GALNTL6: variants seen among roughly 807,000 people sequenced by gnomAD.
GALNTL6 encodes the protein polypeptide N-acetylgalactosaminyltransferase-like 6.
In GALNTL6, 46 loss-of-function variants were observed where a neutral mutation model predicts 73.7. The ratio of observed to expected loss-of-function variants is 0.62; its 90% CI spans 0.49 to 0.80. The LOEUF (loss-of-function observed/expected upper bound fraction) is 0.80, where lower values mean the gene tolerates loss of function less well. Ranked by LOEUF, GALNTL6 falls within the 30% of genes least tolerant of loss-of-function variation. The pLI is 0.00. For synonymous variants in GALNTL6, 259 were observed against 263.7 expected, an observed-to-expected ratio of 0.98 and a Z score of 0.17; for missense variants, 604 against 755.0, an observed-to-expected ratio of 0.80 and a Z score of 2.34.
intron 5 of GALNTL6, among the ~76,000 whole-genome samples, chr4:172,607,333 C>T (rs1215530869): frequency 6.6e-6 from 1 of 152,052 alleles, no homozygotes; most frequent in African/African-American, 2.4e-5. Flanking sequence ...TCTATTTTTC[C>T]GTTCTTTGTG....
chr4:173,028,404 T>C (rs1237855943), intron 12 of GALNTL6, among the ~76,000 whole-genome samples: 1 of 152,162 alleles, frequency 6.6e-6, no homozygotes, highest in Non-Finnish European at 1.5e-5. Context: ...AGAATCACTT[T>C]TGTAGCTCTA....
chr4:172,012,849 G>A (rs1198003507), intron 2 of GALNTL6, among the ~76,000 whole-genome samples: 1 of 151,918 alleles, frequency 6.6e-6, no homozygotes, highest in Non-Finnish European at 1.5e-5. Context: ...TGTACAATGC[G>A]ATAGTTTTGA....
At position 172,415,726 on chromosome 4, in the gene GALNTL6, T is replaced by G. The variant is rs941002565; in HGVS notation, c.553+67037T>G. 2.0e-5 allele frequency among the ~76,000 whole-genome samples: 3 copies of G among 152,158 alleles called. No individual in the cohort carries two copies. In the East Asian group the frequency reaches 5.8e-4, roughly 30 times the overall value. On this transcript the variant is annotated intron_variant, in intron 5 of 12. Transcript: ENST00000506823. ...CTGAGTGAGCAATTCCTGTCCCTTT[T>G]AAGGGCTTGCAACTCTAAGGGGGGT...
intron 2 of GALNTL6, among the ~76,000 whole-genome samples, chr4:172,087,432 T>G (rs2130998): frequency 0.97 from 139,275 of 144,030 alleles, 67,495 homozygotes; most frequent in East Asian, 1. Context: ...GCAACAGAGT[T>G]AGACTCCATC....
At chr4:171,959,836 G>A (rs1739169415) in intron 2 of GALNTL6, among the ~76,000 whole-genome samples, 1 of 152,132 alleles carries the variant, frequency 6.6e-6, no homozygotes, top group Admixed American at 6.5e-5. Context: ...GAAGCAAATA[G>A]AAATAATCTC....
chr4:171,825,426 T>C (rs559066609), intron 2 of GALNTL6, among the ~76,000 whole-genome samples: 6 of 152,242 alleles, frequency 3.9e-5, no homozygotes, highest in African/African-American at 9.6e-5. Context: ...AATTTTACCA[T>C]TTTTCAGATA....
Position 172,112,915 on chromosome 4 carries a change from G to A in GALNTL6, c.139-116741G>A, listed in dbSNP as rs72990367. Among the ~76,000 whole-genome samples, 1,379 of 151,946 alleles carry A rather than the reference G, an allele frequency of 9.1e-3. 26 individuals carry two copies. Among genetic ancestry groups the A allele is most frequent in the African/African-American group, 0.031 (1,266 of 41,486 alleles). ...CTCGCCAGACACCAAATTTTCTGAT[G>A]TCTTTGATCTTGGACTACCCAGCCT... On this transcript the variant is annotated intron_variant, in intron 2 of 12. Transcript: ENST00000506823.
chr4:171,875,784 TG>T (rs1348789160), intron 2 of GALNTL6, among the ~76,000 whole-genome samples: 1 of 150,064 alleles, frequency 6.7e-6, no homozygotes, highest in Non-Finnish European at 1.5e-5. Context: ...ATGAATATTT[TG>T]GGTGGTCTCT....
chr4:172,546,810 A>ATATATACGTATATATATATATACG (rs1735782610), intron 5 of GALNTL6, among the ~76,000 whole-genome samples: 7 of 44,624 alleles, frequency 1.6e-4, no homozygotes, highest in Admixed American at 2.5e-4. Flanking sequence ...ATATATACGT[A>ATATATACGTATATATATATATACG]TATATATACG....
chr4:172,295,194 G>T (rs1374132577), intron 3 of GALNTL6, among the ~76,000 whole-genome samples: 1 of 152,060 alleles, frequency 6.6e-6, no homozygotes, highest in Admixed American at 6.6e-5. Context: ...GGCCGAGGTG[G>T]GTGGATCACC....
chr4:172,689,882 C>G (rs1019743594), intron 5 of GALNTL6, among the ~76,000 whole-genome samples: 5 of 151,928 alleles, frequency 3.3e-5, no homozygotes, highest in African/African-American at 1.2e-4. Context: ...GACAACATGT[C>G]TTTCAGCTAA....
At chr4:172,915,373 C>A (rs1318174369) in intron 8 of GALNTL6, among the ~76,000 whole-genome samples, 2 of 152,076 alleles carry the variant, frequency 1.3e-5, no homozygotes, top group Non-Finnish European at 2.9e-5. Flanking sequence ...CAAAAGCTAG[C>A]AGAAGGCAAG....
At chr4:172,009,604 T>A (rs957274174) in intron 2 of GALNTL6, among the ~76,000 whole-genome samples, 1 of 152,128 alleles carries the variant, frequency 6.6e-6, no homozygotes, top group Admixed American at 6.6e-5. Flanking sequence ...ACATAAATCA[T>A]CTTGAATTCC....
chr4:173,008,595 C>T (rs930725537), intron 10 of GALNTL6, among the ~76,000 whole-genome samples: 1 of 152,204 alleles, frequency 6.6e-6, no homozygotes, highest in Non-Finnish European at 1.5e-5. Flanking sequence ...AACCTCAAAT[C>T]TGTCTCCCCA....
intron 2 of GALNTL6, among the ~76,000 whole-genome samples, chr4:172,222,397 A>G (rs964040707): frequency 2.0e-5 from 3 of 151,978 alleles, no homozygotes; most frequent in Non-Finnish European, 4.4e-5. Flanking sequence ...TTGCAAATAA[A>G]TCCCATAAGG....
chr4:172,178,472 A>C (rs927228301), intron 2 of GALNTL6, among the ~76,000 whole-genome samples: 1 of 151,930 alleles, frequency 6.6e-6, no homozygotes, highest in African/African-American at 2.4e-5. Context: ...CCCTGTGTGC[A>C]TGTGTTCTCA....
chr4:173,018,531 A>T (rs1449125119), intron 11 of GALNTL6, among the ~76,000 whole-genome samples: 3 of 152,196 alleles, frequency 2.0e-5, no homozygotes, highest in Non-Finnish European at 2.9e-5. Context: ...CTAGGGAGGG[A>T]TAGAGAAACA....
intron 2 of GALNTL6, among the ~76,000 whole-genome samples, chr4:171,972,893 T>TTAC (rs2111067112): frequency 6.6e-6 from 1 of 152,286 alleles, no homozygotes; most frequent in East Asian, 1.9e-4. Flanking sequence ...TTTATCTGAA[T>TTAC]TACTAAATAC....
At chr4:172,899,912 A>T (rs1424464470) in intron 8 of GALNTL6, among the ~76,000 whole-genome samples, 1 of 152,178 alleles carries the variant, frequency 6.6e-6, no homozygotes, top group African/African-American at 2.4e-5. Context: ...CGATGAGGAC[A>T]CGCAGAAGTC....
Sources: gnomAD v4.1 joint callset for allele counts (sites outside exome capture counted in the v4.1 genomes callset) on GRCh38, gnomAD v4.1.1 for gene constraint, MANE v1.5 for transcripts, NCBI Gene and HGNC (gene_info 2026-07-23, HGNC 2026-07-21) for gene names.